The following GABRB1 variants were observed in gnomAD, a reference collection of about 807,000 sequenced individuals.
GABRB1 encodes the protein gamma-aminobutyric acid receptor subunit beta-1.
Under a neutral mutation model 51.6 loss-of-function variants are expected in GABRB1, and 17 were observed. The observed-to-expected ratio is 0.33, with a 90% confidence interval of 0.23 to 0.49. The LOEUF (loss-of-function observed/expected upper bound fraction) is 0.49, where lower values mean the gene tolerates loss of function less well. Among genes scored for constraint, GABRB1 ranks in the 20% least tolerant of loss-of-function variants. The probability of loss-of-function intolerance (pLI) is 0.99; values close to 1 mark genes in which losing one functional copy is unlikely to be tolerated. For missense variants in GABRB1, 410 were observed against 600.6 expected, an observed-to-expected ratio of 0.68 and a Z score of 3.32; for synonymous variants, 247 against 218.9, an observed-to-expected ratio of 1.13 and a Z score of -1.14.
At chr4:47,129,119 A>G (rs989281831) in intron 3 of GABRB1, among the ~76,000 whole-genome samples, 2 of 152,174 alleles carry the variant, frequency 1.3e-5, no homozygotes, top group East Asian at 3.8e-4. Context: ...GATTGGGGCA[A>G]AGTAGCCACA....
intron 4 of GABRB1, among the ~76,000 whole-genome samples, chr4:47,273,211 A>G (rs896936494): frequency 6.6e-6 from 1 of 152,140 alleles, no homozygotes; most frequent in African/African-American, 2.4e-5. Flanking sequence ...GTTATACAGG[A>G]GCTTTGCAGA....
At chr4:47,144,440 T>C (rs944046855) in intron 3 of GABRB1, among the ~76,000 whole-genome samples, 2 of 151,982 alleles carry the variant, frequency 1.3e-5, no homozygotes, top group African/African-American at 4.8e-5. Flanking sequence ...GTCTTTCATA[T>C]ACCAATCACA....
At chr4:47,053,950 T>C (rs914221475) in intron 3 of GABRB1, among the ~76,000 whole-genome samples, 7 of 152,192 alleles carry the variant, frequency 4.6e-5, no homozygotes, top group Admixed American at 3.3e-4. Context: ...GTCCTTTACC[T>C]AAAGTCTAAA....
chr4:47,368,309 C>G (rs1727060613), intron 5 of GABRB1, among the ~76,000 whole-genome samples: 2 of 152,208 alleles, frequency 1.3e-5, no homozygotes, highest in Non-Finnish European at 2.9e-5. Context: ...ATCTACTCCC[C>G]AACACCCATG....
chr4:47,273,864 T>TACACATACAC (rs1553869409), intron 4 of GABRB1, among the ~76,000 whole-genome samples: 18 of 122,322 alleles, frequency 1.5e-4, no homozygotes, highest in Non-Finnish European at 1.7e-4. Context: ...CATATATACA[T>TACACATACAC]ACACACACAC....
At chr4:47,285,245 G>T (rs965167289) in intron 4 of GABRB1, among the ~76,000 whole-genome samples, 11 of 152,242 alleles carry the variant, frequency 7.2e-5, no homozygotes, top group African/African-American at 2.6e-4. Context: ...AAGGACATAT[G>T]GTACCCAGTT....
rs1446658922 is a variant in GABRB1 at position 47,046,223 on chromosome 4, T to A, written c.240+13739T>A. ...ATTCCTTTCCTTATAAATTACCCAATGTCAGATATTTCTTCATAGCAGGGT... is the reference window on the plus strand; with the variant it reads ...ATTCCTTTCCTTATAAATTACCCAAAGTCAGATATTTCTTCATAGCAGGGT... On this transcript the variant is annotated intron_variant, in intron 3 of 8. Transcript: ENST00000295454. 2.0e-5 allele frequency among the ~76,000 whole-genome samples: 3 copies of A among 152,074 alleles called. No individual in the cohort carries two copies. In the East Asian group the frequency reaches 5.8e-4, roughly 29 times the overall value.
chr4:47,251,673 G>A (rs768966040), intron 4 of GABRB1, among the ~76,000 whole-genome samples: 2 of 152,112 alleles, frequency 1.3e-5, no homozygotes, highest in Non-Finnish European at 2.9e-5. Flanking sequence ...AGAAATACAG[G>A]GGTACAGGAA....
At chr4:47,097,416 A>G (rs906253973) in intron 3 of GABRB1, among the ~76,000 whole-genome samples, 1 of 152,126 alleles carries the variant, frequency 6.6e-6, no homozygotes, top group Non-Finnish European at 1.5e-5. Flanking sequence ...ATAACACCTA[A>G]TCAAGTGAAT....
intron 4 of GABRB1, among the ~76,000 whole-genome samples, chr4:47,307,331 T>C (rs1280783885): frequency 2.0e-5 from 3 of 152,116 alleles, no homozygotes; most frequent in African/African-American, 7.2e-5. Context: ...TTAAATGTGG[T>C]CATTTTTAGG....
intron 5 of GABRB1, among the ~76,000 whole-genome samples, chr4:47,339,855 A>ACC (rs763221071): frequency 5.2e-4 from 74 of 143,432 alleles, no homozygotes; most frequent in African/African-American, 1.8e-3. Flanking sequence ...ACACACACAC[A>ACC]CCCCACTTTG....
chr4:47,339,080 G>A (rs1052581459), intron 5 of GABRB1, among the ~76,000 whole-genome samples: 1 of 152,060 alleles, frequency 6.6e-6, no homozygotes, highest in African/African-American at 2.4e-5. Flanking sequence ...AACTATTCTA[G>A]GCAAAACAAG....
intron 4 of GABRB1, among the ~76,000 whole-genome samples, chr4:47,316,474 A>C (rs916295242): frequency 6.6e-6 from 1 of 151,932 alleles, no homozygotes; most frequent in East Asian, 1.9e-4. Context: ...TTCTCCATTC[A>C]TCTGTTAATA....
At chr4:47,335,455 T>C (rs1028659042) in intron 5 of GABRB1, among the ~76,000 whole-genome samples, 3 of 152,066 alleles carry the variant, frequency 2.0e-5, no homozygotes, top group African/African-American at 7.2e-5. Context: ...AAGATGATAC[T>C]CTCCCTGTTG....
At chr4:47,372,392 C>T (rs1417920768) in intron 5 of GABRB1, among the ~76,000 whole-genome samples, 1 of 152,156 alleles carries the variant, frequency 6.6e-6, no homozygotes, top group Non-Finnish European at 1.5e-5. Context: ...ACAGTCAGAA[C>T]TCATCAGATG....
At chr4:47,035,434 A>G (rs958329825) in intron 3 of GABRB1, among the ~76,000 whole-genome samples, 7 of 152,186 alleles carry the variant, frequency 4.6e-5, no homozygotes, top group Non-Finnish European at 1.0e-4. Flanking sequence ...AAACATATCT[A>G]CTTGAGAACA....
chr4:47,297,096 A>G (rs569299157), intron 4 of GABRB1, among the ~76,000 whole-genome samples: 1 of 152,244 alleles, frequency 6.6e-6, no homozygotes, highest in Non-Finnish European at 1.5e-5. Context: ...AATCTCTGGG[A>G]CACATTCAAA....
intron 5 of GABRB1, among the ~76,000 whole-genome samples, chr4:47,324,629 G>T (rs951589594): frequency 1.3e-5 from 2 of 152,144 alleles, no homozygotes; most frequent in Admixed American, 1.3e-4. Context: ...TCTCAGAAAG[G>T]TCACAAAGGA....
At chr4:47,294,668 C>T (rs1240328770) in intron 4 of GABRB1, among the ~76,000 whole-genome samples, 3 of 152,364 alleles carry the variant, frequency 2.0e-5, no homozygotes, top group East Asian at 3.9e-4. Context: ...GGCTCCACCT[C>T]TGGGGGCAGG....
Sources: gnomAD v4.1 joint callset for allele counts (sites outside exome capture counted in the v4.1 genomes callset) on GRCh38, gnomAD v4.1.1 for gene constraint, MANE v1.5 for transcripts, NCBI Gene and HGNC (gene_info 2026-07-23, HGNC 2026-07-21) for gene names.